ASTN2: variants seen among roughly 807,000 people sequenced by gnomAD.
ASTN2 encodes the protein astrotactin-2.
ASTN2 carries 54 observed loss-of-function variants against 139.8 expected under a neutral mutation model. The observed-to-expected ratio is 0.39, with a 90% CI of 0.31 to 0.48. ASTN2 has a LOEUF of 0.48. ASTN2 is among the 20% of genes least tolerant of loss of function. The pLI is 0.95. For synonymous variants in ASTN2, 756 were observed against 719.5 expected, an observed-to-expected ratio of 1.05 and a Z score of -0.81; for missense variants, 1,565 against 1,725.1, an observed-to-expected ratio of 0.91 and a Z score of 1.64.
chr9:117,398,006 T>G lies in ASTN2; in HGVS notation c.442+16491A>C, dbSNP rs535034702. 3.3e-5 allele frequency among the ~76,000 whole-genome samples: 5 copies of G among 152,332 alleles called. No individual in the cohort carries two copies. In the East Asian group the frequency reaches 9.7e-4, roughly 29 times the overall value. On this transcript the variant is annotated intron_variant, in intron 1 of 22. Transcript: ENST00000313400. ...ACAGAAGAATCATCATATTCCACAC[T>G]CTCTGTGTCTCATATGTATCTGCAT...
At position 116,699,872 on chromosome 9, in the gene ASTN2, C is replaced by T. The variant is rs370691123; in HGVS notation, c.2806+25899G>A. ...TTTAATGTTTTTATTTGTTATGTCC[C>T]CCTCCCCGCTTCCCACCTAAATTTA... On this transcript the variant is annotated intron_variant, in intron 16 of 22. Coordinates refer to ENST00000313400, the MANE Select transcript of ASTN2 (RefSeq NM_001365068.1). The surrounding 1 kb of genome is among the most constrained non-coding windows in gnomAD (Gnocchi z 4.2). 4 of 888,358 alleles carry T rather than the reference C, an allele frequency of 4.5e-6. No individual in the cohort carries two copies. The African/African-American group carries it at 6.8e-5, about 15-fold the overall frequency. The allele number at this position is 888,358 out of a possible 1,614,324, so 55.0% of individuals were successfully genotyped here.
intron 3 of ASTN2, among the ~76,000 whole-genome samples, chr9:117,167,900 G>A (rs935819595): frequency 5.9e-5 from 9 of 152,190 alleles, no homozygotes; most frequent in Admixed American, 1.3e-4. Flanking sequence ...TTTAGCCTAA[G>A]AGCAATGTTT....
chr9:116,990,322 C>T (rs973423526), intron 7 of ASTN2, among the ~76,000 whole-genome samples: 1 of 152,154 alleles, frequency 6.6e-6, no homozygotes, highest in Non-Finnish European at 1.5e-5. Flanking sequence ...GGCTGGAATG[C>T]AGTTGCACGA....
At chr9:116,602,992 T>C (rs1190743464) in intron 19 of ASTN2, among the ~76,000 whole-genome samples, 1 of 152,166 alleles carries the variant, frequency 6.6e-6, no homozygotes, top group Admixed American at 6.5e-5. Flanking sequence ...AATGGAAGCA[T>C]GAAGAGTCCA....
intron 19 of ASTN2, chr9:116,583,070 C>T (rs1318041012): frequency 2.0e-5 from 3 of 152,206 alleles, no homozygotes; most frequent in African/African-American, 7.2e-5. Flanking sequence ...TTAGGCAATC[C>T]TTTAAACTTC....
intron 10 of ASTN2, among the ~76,000 whole-genome samples, chr9:116,945,540 C>G (rs144457245): frequency 6.6e-6 from 1 of 152,270 alleles, no homozygotes; most frequent in East Asian, 1.9e-4. Flanking sequence ...TTTTAGCACT[C>G]TAGCCTACAG....
At chr9:116,476,444 G>A (rs1238140366) in intron 20 of ASTN2, among the ~76,000 whole-genome samples, 2 of 152,152 alleles carry the variant, frequency 1.3e-5, no homozygotes, top group South Asian at 4.1e-4. Flanking sequence ...GGGTTCCCCT[G>A]GCTGGGCTAG....
At chr9:116,835,446 C>G (rs1854025) in intron 11 of ASTN2, among the ~76,000 whole-genome samples, 36,056 of 152,094 alleles carry the variant, frequency 0.24, 4,909 homozygotes, top group East Asian at 0.5. Flanking sequence ...ACATCTTTTT[C>G]TTTCAGACCC....
intron 10 of ASTN2, among the ~76,000 whole-genome samples, chr9:116,906,485 T>C (rs1290740749): frequency 6.6e-6 from 1 of 152,082 alleles, no homozygotes; most frequent in Non-Finnish European, 1.5e-5. Flanking sequence ...CCCCCTTCCA[T>C]GGACAGAAGA....
rs137954795 is a variant in ASTN2, at chr9:117,333,150, C to T, written c.443-41637G>A. Among the ~76,000 whole-genome samples the T allele has an allele frequency of 4.3e-3, 653 of 152,216 alleles. 7 individuals are homozygous for T. The highest frequency in any genetic ancestry group is 0.015 in the African/African-American group (619 of 41,524). On this transcript the variant is annotated intron_variant, in intron 1 of 22. Transcript: ENST00000313400. Reference sequence around the variant, plus strand: ...TATTGTATGTGAATCATATCTCAATCGAGCTATTTCTATTTAAACTGATGC... The same window carrying T: ...TATTGTATGTGAATCATATCTCAATTGAGCTATTTCTATTTAAACTGATGC...
chr9:116,507,804 TTC>T (rs1363365257), intron 19 of ASTN2, among the ~76,000 whole-genome samples: 1 of 152,208 alleles, frequency 6.6e-6, no homozygotes, highest in Non-Finnish European at 1.5e-5. Flanking sequence ...ATCCCACCAC[TTC>T]TCTTTCTACT....
intron 10 of ASTN2, among the ~76,000 whole-genome samples, chr9:116,963,272 G>A (rs1835919696): frequency 6.6e-6 from 1 of 152,120 alleles, no homozygotes. Flanking sequence ...GGTACACTGG[G>A]GACTGTGAGT....
intron 5 of ASTN2, among the ~76,000 whole-genome samples, chr9:117,050,319 A>G (rs1838878024): frequency 1.3e-5 from 2 of 152,130 alleles, no homozygotes; most frequent in South Asian, 4.1e-4. Context: ...ATTATCTTGG[A>G]AGATGTCAGT....
At chr9:116,717,025 A>G (rs1481089844) in intron 16 of ASTN2, among the ~76,000 whole-genome samples, 1 of 152,192 alleles carries the variant, frequency 6.6e-6, no homozygotes, top group Non-Finnish European at 1.5e-5. Flanking sequence ...CTGGGTTCAA[A>G]TCCCTGCTTT....
At chr9:116,649,664 C>T (rs779397527) in intron 17 of ASTN2, among the ~76,000 whole-genome samples, 1 of 151,608 alleles carries the variant, frequency 6.6e-6, no homozygotes, top group African/African-American at 2.4e-5. Context: ...ACAGCTCATT[C>T]ATTTTGGTTA....
At chr9:116,979,152 T>C (rs537949667) in intron 7 of ASTN2, among the ~76,000 whole-genome samples, 1 of 152,254 alleles carries the variant, frequency 6.6e-6, no homozygotes, top group South Asian at 2.1e-4. Flanking sequence ...CCAGCACCCA[T>C]TGACAAATAG....
At chr9:116,899,071 G>A (rs897795440) in intron 10 of ASTN2, among the ~76,000 whole-genome samples, 6 of 152,154 alleles carry the variant, frequency 3.9e-5, no homozygotes, top group South Asian at 4.1e-4. Flanking sequence ...AGGTTTTGAT[G>A]TTTTCTTAAT....
At chr9:117,104,164 A>T (rs1179100525) in intron 4 of ASTN2, among the ~76,000 whole-genome samples, 3 of 152,232 alleles carry the variant, frequency 2.0e-5, no homozygotes, top group African/African-American at 7.2e-5. Flanking sequence ...CTGAATTTTT[A>T]AAATGGATTT....
At chr9:116,808,277 TTGTGTGTGTGTG>T (rs10553571) in intron 12 of ASTN2, among the ~76,000 whole-genome samples, 5 of 149,680 alleles carry the variant, frequency 3.3e-5, no homozygotes, top group Admixed American at 1.3e-4. Context: ...TAAATACATA[TTGTGTGTGTGTG>T]TGTGTGTGTG....
Sources: allele counts gnomAD v4.1 joint callset (sites outside exome capture counted in the v4.1 genomes callset), GRCh38; gene constraint gnomAD v4.1.1; non-coding constraint Gnocchi (gnomAD v3.1); transcripts MANE v1.5; gene names NCBI Gene and HGNC (gene_info 2026-07-23, HGNC 2026-07-21).